Variants in ITSN1 observed in about 807,000 individuals in gnomAD.
ITSN1 encodes intersectin 1.
In ITSN1, 58 loss-of-function variants were observed where a neutral mutation model predicts 239.8. That is an observed-to-expected ratio of 0.24 (90% CI 0.20 to 0.30). The LOEUF is 0.30. ITSN1 is among the 10% of genes least tolerant of loss of function. The pLI, the probability that ITSN1 is intolerant of heterozygous loss-of-function variation, is 1.00. For synonymous variants in ITSN1, 780 were observed against 770.8 expected, an observed-to-expected ratio of 1.01 and a Z score of -0.20; for missense variants, 1,558 against 2,103.3, an observed-to-expected ratio of 0.74 and a Z score of 5.07.
intron 1 of ITSN1, among the ~76,000 whole-genome samples, chr21:33,655,555 G>A (rs1786695505): frequency 6.6e-6 from 1 of 150,576 alleles, no homozygotes; most frequent in African/African-American, 2.4e-5. Flanking sequence ...AGAGTGGGTA[G>A]GATTACAGGC....
chr21:33,768,279 A>G (rs1414993317), intron 11 of ITSN1, among the ~76,000 whole-genome samples: 2 of 151,940 alleles, frequency 1.3e-5, no homozygotes, highest in African/African-American at 4.8e-5. Context: ...AACCTATTTT[A>G]TTTTATTTAT....
chr21:33,680,448 C>T (rs990499619), intron 1 of ITSN1, among the ~76,000 whole-genome samples: 2 of 151,820 alleles, frequency 1.3e-5, no homozygotes, highest in Non-Finnish European at 1.5e-5. Flanking sequence ...TCTCATGCCT[C>T]AGCCTCTCGA....
At chr21:33,678,538 C>T (rs1234084188) in intron 1 of ITSN1, among the ~76,000 whole-genome samples, 1 of 152,144 alleles carries the variant, frequency 6.6e-6, no homozygotes, top group Non-Finnish European at 1.5e-5. Context: ...TCCCACCCCA[C>T]GGCCTGCATT....
chr21:33,744,631 T>C (rs941538197), intron 5 of ITSN1, among the ~76,000 whole-genome samples: 3 of 152,086 alleles, frequency 2.0e-5, no homozygotes, highest in Non-Finnish European at 4.4e-5. Context: ...AGATATGAAA[T>C]GTGAAGAGCT....
At chr21:33,753,761 T>TTAAAA (rs761641955) in intron 7 of ITSN1, among the ~76,000 whole-genome samples, 1 of 81,770 alleles carries the variant, frequency 1.2e-5, no homozygotes, top group African/African-American at 5.7e-5. Context: ...GTCTCTTTCT[T>TTAAAA]AAAAAAAAAA....
chr21:33,715,263 C>A (rs1163105647), intron 1 of ITSN1, among the ~76,000 whole-genome samples: 1 of 586 alleles, frequency 1.7e-3, no homozygotes, highest in East Asian at 0.045. Flanking sequence ...AAATATAGGT[C>A]TAGGAAATCT....
chr21:33,754,817 T>A (rs1247613675), intron 7 of ITSN1, among the ~76,000 whole-genome samples: 3 of 152,232 alleles, frequency 2.0e-5, no homozygotes, highest in African/African-American at 7.2e-5. Flanking sequence ...TGGAGTAATT[T>A]CACTTCATTA....
At chr21:33,867,796 T>C (rs1235013534) in intron 33 of ITSN1, among the ~76,000 whole-genome samples, 1 of 151,852 alleles carries the variant, frequency 6.6e-6, no homozygotes, top group Non-Finnish European at 1.5e-5. Flanking sequence ...TCAGATGTGT[T>C]CGGAGTTTCT....
At chr21:33,813,156 G>C (rs576875238) in intron 21 of ITSN1, among the ~76,000 whole-genome samples, 111 of 151,982 alleles carry the variant, frequency 7.3e-4, no homozygotes, top group Non-Finnish European at 1.4e-3. Flanking sequence ...GAAATCAAAT[G>C]CCTTTTCCTC....
intron 9 of ITSN1, 36 bp downstream of exon 9, chr21:33,762,022 G>A: frequency 6.7e-7 from 1 of 1,503,478 alleles, no homozygotes; most frequent in Non-Finnish European, 9.3e-7. Flanking sequence ...TGGATAAAGT[G>A]GAAACTTGGT....
Position 33,823,603 on chromosome 21 carries a change from G to A in ITSN1, c.3133G>A (p.Asp1045Asn), listed in dbSNP as rs1439178942. Residue 1045 changes from aspartate (D) to asparagine (N), a missense_variant, in exon 25 of 40, where the codon GAC becomes AAC. Asp to Asn is a conservative substitution (Grantham distance 23). Coordinates refer to ENST00000381318, the MANE Select transcript of ITSN1 (RefSeq NM_003024.3). ...DGDWWTGTVG[D>N]KAGVFPSNYV... ...TGACTGGTGGACAGGAACAGTGGGC[G>A]ACAAGGCCGGAGTCTTCCCTTCTAA... The A allele has an allele frequency of 2.5e-6, 4 of 1,614,066 alleles. No individual in the cohort carries two copies. The highest frequency in any genetic ancestry group is 3.4e-6 in the Non-Finnish European group (4 of 1,180,040).
intron 8 of ITSN1, among the ~76,000 whole-genome samples, chr21:33,759,171 C>T (rs920211280): frequency 2.2e-4 from 34 of 152,194 alleles, no homozygotes; most frequent in African/African-American, 7.7e-4. Context: ...ATGACAACAA[C>T]CATATATCAT....
chr21:33,713,828 C>CTTTTTTTTTTTTTTTTTTTTTTTTTTTT (rs35226795), intron 1 of ITSN1, among the ~76,000 whole-genome samples: 1 of 89,364 alleles, frequency 1.1e-5, no homozygotes, highest in Non-Finnish European at 1.9e-5. Flanking sequence ...CCAGCCTCAT[C>CTTTTTTTTTTTTTTTTTTTTTTTTTTTT]TTTTTTTTTT....
At chr21:33,819,357 G>C (rs184493440) in intron 24 of ITSN1, 34 bp downstream of exon 24, 12 of 1,475,086 alleles carry the variant, frequency 8.1e-6, no homozygotes, top group Non-Finnish European at 8.5e-6. Context: ...TTCTTCAGAA[G>C]GGTCAAGGAC....
rs978025053 is a variant in ITSN1, at chr21:33,646,985, C to CA, written c.-33+4282dup. Among the ~76,000 whole-genome samples, 815 of 114,442 alleles carry CA rather than the reference C, an allele frequency of 7.1e-3. 7 individuals are homozygous for CA. Among genetic ancestry groups the CA allele is most frequent in the African/African-American group, 0.025 (761 of 30,226 alleles). 75.1% of individuals were successfully genotyped at this position (114,442 alleles called of 152,430 possible). On this transcript the variant is annotated intron_variant, in intron 1 of 39. Coordinates refer to ENST00000381318, the MANE Select transcript of ITSN1 (RefSeq NM_003024.3). ...TGGGTGACAGAGCAAGGCCCTGTCT[C>CA]AAAAAAAAAAGAAAAAAAAAAGTTT...
chr21:33,651,833 A>C (rs1433310377), intron 1 of ITSN1, among the ~76,000 whole-genome samples: 4 of 152,228 alleles, frequency 2.6e-5, no homozygotes, highest in African/African-American at 9.6e-5. Context: ...GAAATCCTGC[A>C]GTAATCGTAA....
chr21:33,865,021 CA>C lies in ITSN1; in HGVS notation c.3891-127del, dbSNP rs2056626329. The stretch of plus-strand genomic sequence containing the variant: ...ATTTCTTTCTCCATTCCTTGTCTCC[CA>C]AATAGATCCTTTAGTGGCCCTTAAG... On this transcript the variant is annotated intron_variant, in intron 31 of 39. Coordinates refer to ENST00000381318, the MANE Select transcript of ITSN1 (RefSeq NM_003024.3). The surrounding 1 kb of genome is among the most constrained non-coding windows in gnomAD (Gnocchi z 4.4). The C allele has an allele frequency of 5.0e-6, 4 of 795,060 alleles. No individual in the cohort carries two copies. Among genetic ancestry groups the C allele is most frequent in the Non-Finnish European group, 7.6e-6 (4 of 525,284 alleles). The allele number at this position is 795,060 out of a possible 1,614,324, so 49.3% of individuals were successfully genotyped here. A position where few individuals can be genotyped will look rare whatever the true frequency, so the allele number is the denominator to read the frequency against.
chr21:33,721,160 C>G lies in ITSN1; in HGVS notation c.29-18C>G. The G allele has an allele frequency of 1.3e-6, 2 of 1,580,532 alleles. No homozygotes were observed. The highest frequency in any genetic ancestry group is 1.7e-6 in the Non-Finnish European group (2 of 1,149,802). On this transcript the variant is annotated intron_variant, in intron 2 of 39. Transcript: ENST00000381318. ...TTTTCTCACTGAATAATTTGTTTGT[C>G]TTTTCTTTGGATTTTAGGCAGCCTG...
At chr21:33,651,689 T>C (rs1434787447) in intron 1 of ITSN1, among the ~76,000 whole-genome samples, 1 of 152,220 alleles carries the variant, frequency 6.6e-6, no homozygotes, top group Non-Finnish European at 1.5e-5. Context: ...AAATCTTAAA[T>C]GTATGGGAAT....
Sources: gnomAD v4.1 joint callset for allele counts (sites outside exome capture counted in the v4.1 genomes callset) on GRCh38, gnomAD v4.1.1 for gene constraint, Gnocchi (gnomAD v3.1) non-coding constraint, MANE v1.5 for transcripts, NCBI Gene and HGNC (gene_info 2026-07-23, HGNC 2026-07-21) for gene names.